Variants in GABRB1 observed in about 807,000 individuals in gnomAD.
GABRB1 encodes the protein gamma-aminobutyric acid type A receptor subunit beta1.
GABRB1 carries 17 observed loss-of-function variants against 51.6 expected under a neutral mutation model. That is an observed-to-expected ratio of 0.33 (90% CI 0.23 to 0.49). The LOEUF (loss-of-function observed/expected upper bound fraction) is 0.49, where lower values mean the gene tolerates loss of function less well. Ranked by LOEUF, GABRB1 falls within the 20% of genes least tolerant of loss-of-function variation. The pLI, the probability that GABRB1 is intolerant of heterozygous loss-of-function variation, is 0.99. For missense variants in GABRB1, 410 were observed against 600.6 expected, an observed-to-expected ratio of 0.68 and a Z score of 3.32; for synonymous variants, 247 against 218.9, an observed-to-expected ratio of 1.13 and a Z score of -1.14.
intron 4 of GABRB1, among the ~76,000 whole-genome samples, chr4:47,196,018 G>C (rs974698571): frequency 6.6e-6 from 1 of 152,186 alleles, no homozygotes; most frequent in African/African-American, 2.4e-5. Context: ...ACCATATGTA[G>C]TAGTACTGAA....
chr4:47,246,923 G>C (rs1721783008), intron 4 of GABRB1, among the ~76,000 whole-genome samples: 1 of 151,870 alleles, frequency 6.6e-6, no homozygotes, highest in South Asian at 2.1e-4. Context: ...CTGGATATTA[G>C]TCCTTTATCA....
chr4:47,380,649 C>T (rs901090842), intron 5 of GABRB1, among the ~76,000 whole-genome samples: 1 of 152,180 alleles, frequency 6.6e-6, no homozygotes, highest in Non-Finnish European at 1.5e-5. Flanking sequence ...AAAAAGAGTA[C>T]TTCAGCATCC....
At chr4:47,251,878 C>T (rs756770773) in intron 4 of GABRB1, among the ~76,000 whole-genome samples, 2 of 152,112 alleles carry the variant, frequency 1.3e-5, no homozygotes, top group Non-Finnish European at 2.9e-5. Flanking sequence ...AGGCAGTGGG[C>T]GAGCCAGACT....
At chr4:47,254,503 C>A (rs889114680) in intron 4 of GABRB1, among the ~76,000 whole-genome samples, 1 of 149,950 alleles carries the variant, frequency 6.7e-6, no homozygotes, top group Non-Finnish European at 1.5e-5. Flanking sequence ...GTAGCTGGGA[C>A]TACAGGTGCC....
intron 5 of GABRB1, among the ~76,000 whole-genome samples, chr4:47,373,290 A>G (rs980418968): frequency 2.0e-5 from 3 of 152,090 alleles, no homozygotes; most frequent in Non-Finnish European, 2.9e-5. Flanking sequence ...AGTTGGGGTG[A>G]GAATGGTGGT....
rs150446096 is a variant in GABRB1 at position 47,060,570 on chromosome 4, G to A, written c.240+28086G>A. On this transcript the variant is annotated intron_variant, in intron 3 of 8. Coordinates refer to ENST00000295454, the MANE Select transcript of GABRB1 (RefSeq NM_000812.4). ...AAGATAGTTTGCAGTATGATAGAAA[G>A]CATACTAGGAAATCAACTCTTATGA... Among the ~76,000 whole-genome samples, 746 of 152,168 alleles carry A rather than the reference G, an allele frequency of 4.9e-3. 5 individuals carry two copies. The highest frequency in any genetic ancestry group is 0.01 in the Middle Eastern group (3 of 294).
At chr4:47,033,033 A>G (rs1403678576) in intron 3 of GABRB1, 1 of 281,436 alleles carries the variant, frequency 3.6e-6, no homozygotes, top group African/African-American at 2.2e-5. Context: ...ACAACAGTCC[A>G]TGTTTGCTAG....
chr4:47,076,225 G>T (rs568244869), intron 3 of GABRB1, among the ~76,000 whole-genome samples: 163 of 152,280 alleles, frequency 1.1e-3, no homozygotes, highest in Admixed American at 3.5e-3. Flanking sequence ...TAAGAGGCTG[G>T]TCTCTGTGCT....
intron 4 of GABRB1, among the ~76,000 whole-genome samples, chr4:47,254,897 TGA>T (rs1722141061): frequency 6.6e-6 from 1 of 152,210 alleles, no homozygotes; most frequent in Non-Finnish European, 1.5e-5. Flanking sequence ...TCAGTTTTAA[TGA>T]ACTAGTTGGT....
intron 3 of GABRB1, among the ~76,000 whole-genome samples, chr4:47,097,368 G>A (rs1714495547): frequency 6.6e-6 from 1 of 152,138 alleles, no homozygotes; most frequent in African/African-American, 2.4e-5. Context: ...CCAGAGAGCT[G>A]CAGGATTCAC....
chr4:47,406,949 C>G, intron 8 of GABRB1, 23 bp downstream of exon 8: 3 of 1,601,012 alleles, frequency 1.9e-6, no homozygotes, highest in Non-Finnish European at 2.6e-6. Flanking sequence ...ATATTCCTAA[C>G]AATATTCTTG....
chr4:47,151,612 C>T (rs529907199), intron 3 of GABRB1, among the ~76,000 whole-genome samples: 2 of 151,888 alleles, frequency 1.3e-5, no homozygotes, highest in African/African-American at 2.4e-5. Context: ...TCTGAATATC[C>T]GATTAGATCT....
chr4:47,261,116 C>T (rs192584321), intron 4 of GABRB1, among the ~76,000 whole-genome samples: 22 of 152,202 alleles, frequency 1.4e-4, no homozygotes, highest in African/African-American at 2.6e-4. Context: ...AAAAACTGGA[C>T]GCATTCCCTT....
At chr4:47,263,182 T>G (rs1193390165) in intron 4 of GABRB1, among the ~76,000 whole-genome samples, 1 of 146,698 alleles carries the variant, frequency 6.8e-6, no homozygotes, top group African/African-American at 2.6e-5. Flanking sequence ...ACCCTAAAAC[T>G]TAAAGTATAA....
At chr4:47,144,421 T>G (rs2109699963) in intron 3 of GABRB1, among the ~76,000 whole-genome samples, 1 of 152,084 alleles carries the variant, frequency 6.6e-6, no homozygotes, top group Middle Eastern at 3.4e-3. Flanking sequence ...ATGTCATAAC[T>G]TCAGAGGGGT....
intron 5 of GABRB1, among the ~76,000 whole-genome samples, chr4:47,330,335 G>T (rs935995083): frequency 6.6e-6 from 1 of 152,138 alleles, no homozygotes; most frequent in Non-Finnish European, 1.5e-5. Context: ...CAGCCAAGTT[G>T]ACACATAAAG....
At chr4:47,281,968 G>A (rs1416985064) in intron 4 of GABRB1, among the ~76,000 whole-genome samples, 3 of 152,054 alleles carry the variant, frequency 2.0e-5, no homozygotes, top group African/African-American at 4.8e-5. Context: ...TGATTGTAAT[G>A]CATAGTGATC....
chr4:47,016,033 A>G (rs1016044475), intron 1 of GABRB1, among the ~76,000 whole-genome samples: 8 of 152,226 alleles, frequency 5.3e-5, no homozygotes, highest in Non-Finnish European at 1.0e-4. Context: ...GATGGGCAGA[A>G]AAGCACTGCA....
intron 3 of GABRB1, among the ~76,000 whole-genome samples, chr4:47,073,117 T>A (rs62305289): frequency 6.6e-6 from 1 of 152,062 alleles, no homozygotes; most frequent in Non-Finnish European, 1.5e-5. Context: ...TGGCAATAGC[T>A]GTTTTCCACT....
Sources: gnomAD v4.1 joint callset for allele counts (sites outside exome capture counted in the v4.1 genomes callset) on GRCh38, gnomAD v4.1.1 for gene constraint, MANE v1.5 for transcripts, NCBI Gene and HGNC (gene_info 2026-07-23, HGNC 2026-07-21) for gene names.